The following LCK variants were observed in gnomAD, a reference collection of about 807,000 sequenced individuals.
The protein encoded by LCK is tyrosine-protein kinase Lck.
In LCK, 14 loss-of-function variants were observed where a neutral mutation model predicts 64.6. The ratio of observed to expected loss-of-function variants is 0.22; its 90% CI spans 0.14 to 0.34. LCK has a LOEUF of 0.34. Among genes scored for constraint, LCK ranks in the 10% least tolerant of loss-of-function variants. The pLI, the probability that LCK is intolerant of heterozygous loss-of-function variation, is 1.00. For synonymous variants in LCK, 277 were observed against 263.6 expected, an observed-to-expected ratio of 1.05 and a Z score of -0.49; for missense variants, 434 against 668.1, an observed-to-expected ratio of 0.65 and a Z score of 3.86.
chr1:32,256,265 G>A (rs537562448), intron 1 of LCK, among the ~76,000 whole-genome samples: 2 of 151,862 alleles, frequency 1.3e-5, no homozygotes, highest in South Asian at 2.1e-4. Flanking sequence ...AGCTTCCCAA[G>A]TAGCTGGGAC....
chr1:32,279,220 G>C (rs1257610533), intron 9 of LCK, among the ~76,000 whole-genome samples: 2 of 152,140 alleles, frequency 1.3e-5, no homozygotes. Context: ...TTCCTAGTGG[G>C]GCAGTCTAGC....
At position 32,280,443 on chromosome 1, in the gene LCK, CTTTTTTTTTTTT is replaced by C. The variant is rs770430504; in HGVS notation, c.1327+252_1327+263del. ...TTTCTTTTTCTCTTTTTTTCTTTTTCTTTTTTTTTTTTTTTTTTTTTTTTTTTTTTGAGACGG... is the reference window on the plus strand; with the variant it reads ...TTTCTTTTTCTCTTTTTTTCTTTTTCTTTTTTTTTTTTTTTTTTGAGACGG... On this transcript the variant is annotated intron_variant, in intron 12 of 12. Coordinates refer to ENST00000336890, the MANE Select transcript of LCK (RefSeq NM_005356.5). 3.2e-4 allele frequency among the ~76,000 whole-genome samples: 27 copies of C among 84,754 alleles called. No homozygotes were observed. The South Asian group carries it at 4.4e-3, about 14-fold the overall frequency. The allele number at this position is 84,754 out of a possible 152,430, so 55.6% of individuals were successfully genotyped here. A position where few individuals can be genotyped will look rare whatever the true frequency, so the allele number is the denominator to read the frequency against.
chr1:32,273,813 C>T (rs1640175170), intron 1 of LCK, among the ~76,000 whole-genome samples: 1 of 152,076 alleles, frequency 6.6e-6, no homozygotes, highest in Non-Finnish European at 1.5e-5. Flanking sequence ...ACAGCGGGGG[C>T]TTGATGGTGG....
chr1:32,279,933 C>CA lies in LCK; in HGVS notation c.1136dup (p.Ile380AspfsTer11). The CA allele has an allele frequency of 6.2e-7, 1 of 1,614,192 alleles. No homozygotes were observed. The highest frequency in any genetic ancestry group is 8.5e-7 in the Non-Finnish European group (1 of 1,180,036). On this transcript the variant is annotated frameshift_variant, in exon 11 of 13. Transcript: ENST00000336890. LOFTEE classifies it high-confidence loss of function. ...TTCTGGTGTCTGACACCCTGAGCTG[C>CA]AAGATTGCAGACTTTGGCCTAGCAC... is the stretch of plus-strand genomic sequence containing the variant.
intron 1 of LCK, among the ~76,000 whole-genome samples, chr1:32,252,076 G>A (rs1431888666): frequency 6.6e-6 from 1 of 152,176 alleles, no homozygotes; most frequent in Non-Finnish European, 1.5e-5. Flanking sequence ...AGGGTGGATG[G>A]ACATATCTGA....
intron 1 of LCK, among the ~76,000 whole-genome samples, chr1:32,266,205 C>T (rs1639902414): frequency 6.6e-6 from 1 of 152,048 alleles, no homozygotes; most frequent in South Asian, 2.1e-4. Flanking sequence ...CTCAAGAGAT[C>T]CTCCTGGCCG....
In LCK at chr1:32,275,158, G is replaced by T. The variant is rs1053218137; in HGVS notation, c.278+75G>T. On this transcript the variant is annotated intron_variant, in intron 4 of 12. Transcript: ENST00000336890. This position sits in a 1 kb window ranked among gnomAD's most constrained non-coding sequence, Gnocchi z 6.9. ...TCTCCGCGACCCGCAGCCCTCCTGC[G>T]GCCCTTGACCAGCTCGGGGTGGCCG... The T allele has an allele frequency of 5.3e-6, 8 of 1,503,242 alleles. No individual in the cohort carries two copies. In the African/African-American group the frequency reaches 8.3e-5, roughly 16 times the overall value. 93.1% of individuals were successfully genotyped at this position (1,503,242 alleles called of 1,614,324 possible). A position where few individuals can be genotyped will look rare whatever the true frequency, so the allele number is the denominator to read the frequency against.
intron 1 of LCK, among the ~76,000 whole-genome samples, chr1:32,260,535 T>G (rs1287881955): frequency 1.3e-5 from 2 of 152,164 alleles, no homozygotes; most frequent in African/African-American, 4.8e-5. Context: ...TTTTTTACTT[T>G]TTGTGCTCTA....
chr1:32,264,094 A>G (rs2124323511), intron 1 of LCK, among the ~76,000 whole-genome samples: 1 of 152,276 alleles, frequency 6.6e-6, no homozygotes, highest in East Asian at 1.9e-4. Flanking sequence ...TGCACCCATA[A>G]GCACAGGGCT....
At chr1:32,278,051 T>C (rs1334632646) in intron 9 of LCK, among the ~76,000 whole-genome samples, 1 of 152,072 alleles carries the variant, frequency 6.6e-6, no homozygotes, top group Non-Finnish European at 1.5e-5. Context: ...TAGTGGTGTA[T>C]GCCTGTAGTC....
rs1350888925 is a variant in LCK at position 32,274,734 on chromosome 1, C to CGG, written c.106-3_106-2insGG. On this transcript the variant is annotated splice_polypyrimidine_tract_variant and splice_region_variant and intron_variant, in intron 2 of 12. Coordinates refer to ENST00000336890, the MANE Select transcript of LCK (RefSeq NM_005356.5). ...GACCCCACCCTCATCCCCCACTCCA[C>CGG]AGCTGCTCATCCGAAATGGCTCTGA... 4.4e-6 allele frequency: 7 copies of CGG among 1,578,472 alleles called. No homozygotes were observed.
At chr1:32,277,256 A>G (rs925267325) in intron 9 of LCK, 1 of 151,542 alleles carries the variant, frequency 6.6e-6, no homozygotes, top group African/African-American at 2.4e-5. Flanking sequence ...GGCATGAGAA[A>G]AAGGTGTATC....
chr1:32,261,408 G>C (rs1639765356), intron 1 of LCK, among the ~76,000 whole-genome samples: 1 of 151,786 alleles, frequency 6.6e-6, no homozygotes, highest in South Asian at 2.1e-4. Flanking sequence ...AGCACTTTGG[G>C]AGGCCGAGGT....
In LCK at chr1:32,274,751, T is replaced by A; in HGVS notation, c.120T>A (p.Asn40Lys). The A allele has an allele frequency of 6.3e-7, 1 of 1,592,968 alleles. No individual in the cohort carries two copies. The highest frequency in any genetic ancestry group is 8.6e-7 in the Non-Finnish European group (1 of 1,167,204). ...CCACTCCACAGCTGCTCATCCGAAA[T>A]GGCTCTGAGGTGCGGGACCCACTGG... ...LDGKGTLLIR[N>K]GSEVRDPLVT... Residue 40 changes from asparagine (N) to lysine (K), a missense_variant, in exon 3 of 13, where the codon AAT becomes AAA. Coordinates refer to ENST00000336890, the MANE Select transcript of LCK (RefSeq NM_005356.5).
At position 32,279,822 on chromosome 1, in the gene LCK, A is replaced by T; in HGVS notation, c.1042-19A>T. 1 of 1,613,878 alleles carries T rather than the reference A, an allele frequency of 6.2e-7. No individual in the cohort carries two copies. The highest frequency in any genetic ancestry group is 8.5e-7 in the Non-Finnish European group (1 of 1,179,798). ...GAAGACATCTGGCTCAGGACCGCTGATCTGTGTTTGGCCTGCAGATTGCAG... is the reference window on the plus strand; with the variant it reads ...GAAGACATCTGGCTCAGGACCGCTGTTCTGTGTTTGGCCTGCAGATTGCAG... On this transcript the variant is annotated intron_variant, in intron 10 of 12. Coordinates refer to ENST00000336890, the MANE Select transcript of LCK (RefSeq NM_005356.5).
chr1:32,258,301 A>AG (rs1395235047), intron 1 of LCK, among the ~76,000 whole-genome samples: 92 of 150,542 alleles, frequency 6.1e-4, no homozygotes, highest in African/African-American at 1.1e-3. Context: ...AAAAAAAAAA[A>AG]AGAGAGAGAG....
rs2124356109 is a variant in LCK at position 32,275,832 on chromosome 1, G to C, written c.482-82G>C. On this transcript the variant is annotated intron_variant, in intron 6 of 12. Transcript: ENST00000336890. The surrounding 1 kb of genome is among the most constrained non-coding windows in gnomAD (Gnocchi z 6.9). ...GGATGACCCGGAGTTGGGGGTGCTGGGTGAGCCCAAGGTGGGGGCGCGGTG... is the reference window on the plus strand; with the variant it reads ...GGATGACCCGGAGTTGGGGGTGCTGCGTGAGCCCAAGGTGGGGGCGCGGTG... The C allele has an allele frequency of 1.3e-6, 2 of 1,544,924 alleles. No homozygotes were observed. The highest frequency in any genetic ancestry group is 2.4e-5 in the South Asian group (2 of 84,102).
At chr1:32,284,583 T>C (rs1640561522) in intron 12 of LCK, among the ~76,000 whole-genome samples, 1 of 152,046 alleles carries the variant, frequency 6.6e-6, no homozygotes, top group Non-Finnish European at 1.5e-5. Context: ...TTGGTCAGGC[T>C]GGTCTTGAAC....
intron 1 of LCK, among the ~76,000 whole-genome samples, chr1:32,255,540 C>T (rs922889957): frequency 5.9e-5 from 9 of 152,154 alleles, no homozygotes; most frequent in Non-Finnish European, 8.8e-5. Context: ...AAATGGTTAA[C>T]GGTGGTGATT....
Sources: allele counts gnomAD v4.1 joint callset (sites outside exome capture counted in the v4.1 genomes callset), GRCh38; gene constraint gnomAD v4.1.1; non-coding constraint Gnocchi (gnomAD v3.1); transcripts MANE v1.5; gene names NCBI Gene and HGNC (gene_info 2026-07-23, HGNC 2026-07-21).